MYO9A: variants seen among roughly 807,000 people sequenced by gnomAD.
MYO9A encodes myosin IXA, also known as unconventional myosin-IXa.
Under a neutral mutation model 293.3 loss-of-function variants are expected in MYO9A, and 103 were observed. The observed-to-expected ratio is 0.35, with a 90% confidence interval of 0.30 to 0.41. The LOEUF is 0.41. Among genes scored for constraint, MYO9A ranks in the 10% least tolerant of loss-of-function variants. MYO9A has a pLI of 1.00. For missense variants in MYO9A, 2,685 were observed against 3,033.0 expected, an observed-to-expected ratio of 0.89 and a Z score of 2.69; for synonymous variants, 1,001 against 1,035.7, an observed-to-expected ratio of 0.97 and a Z score of 0.64.
At chr15:71,842,980 A>G (rs2055228227) in intron 39 of MYO9A, among the ~76,000 whole-genome samples, 1 of 152,162 alleles carries the variant, frequency 6.6e-6, no homozygotes, top group Non-Finnish European at 1.5e-5. Context: ...TAGTTAAAAA[A>G]AAGACCTTTT....
Position 71,899,879 on chromosome 15 carries a change from C to A in MYO9A, c.3278G>T (p.Arg1093Leu), listed in dbSNP as rs771788086. ...GGCTGCAGCCCGTAACTCCAAGTACCGCTGCCTCTCTAAGTGAGCACGCCA... is the reference window on the plus strand; with the variant it reads ...GGCTGCAGCCCGTAACTCCAAGTACAGCTGCCTCTCTAAGTGAGCACGCCA... ...ASWRAHLERQ[R>L]YLELRAAAIV... The change falls in exon 24 of 42, where the codon CGG (arginine) becomes CTG (leucine). Residue 1093 changes from arginine to leucine, a missense_variant. By Grantham distance (102) the Arg-to-Leu change is moderately radical. Coordinates refer to ENST00000356056, the MANE Select transcript of MYO9A (RefSeq NM_006901.4). 1.2e-6 allele frequency: 2 copies of A among 1,614,094 alleles called. No homozygotes were observed. The highest frequency in any genetic ancestry group is 1.7e-6 in the Non-Finnish European group (2 of 1,180,036).
chr15:72,105,548 C>G (rs944435981), intron 1 of MYO9A, among the ~76,000 whole-genome samples: 2 of 135,666 alleles, frequency 1.5e-5, no homozygotes, highest in African/African-American at 5.6e-5. Flanking sequence ...CCTCTTGTTG[C>G]CCAGGCTGGA....
At position 71,999,949 on chromosome 15, in the gene MYO9A, CA is replaced by C. The variant is rs1248539445; in HGVS notation, c.1381-10del. 1.3e-6 allele frequency: 2 copies of C among 1,599,376 alleles called. No homozygotes were observed. The highest frequency in any genetic ancestry group is 1.7e-6 in the Non-Finnish European group (2 of 1,171,820). On this transcript the variant is annotated splice_polypyrimidine_tract_variant and intron_variant, in intron 8 of 41. Coordinates refer to ENST00000356056, the MANE Select transcript of MYO9A (RefSeq NM_006901.4). ...AGCATCTCTTCTTTAACCTATAAAA[CA>C]GAAAAGTAAACTCAATATGTAAGAT... is the stretch of plus-strand genomic sequence containing the variant.
chr15:71,850,310 G>A, intron 37 of MYO9A, 143 bp from the exon 38 acceptor site: 1 of 945,400 alleles, frequency 1.1e-6, no homozygotes, highest in South Asian at 1.7e-5. Flanking sequence ...AAGTTTAAGG[G>A]TCTGCAGACT....
chr15:71,833,070 AAAAG>A (rs1227719539), intron 39 of MYO9A, among the ~76,000 whole-genome samples: 1 of 152,104 alleles, frequency 6.6e-6, no homozygotes, highest in Non-Finnish European at 1.5e-5. Flanking sequence ...GGCAAGGAAG[AAAAG>A]AAAAAGGAAC....
At chr15:71,980,729 T>G (rs931543144) in intron 11 of MYO9A, among the ~76,000 whole-genome samples, 3 of 152,120 alleles carry the variant, frequency 2.0e-5, no homozygotes, top group Admixed American at 1.3e-4. Flanking sequence ...TCCCAGCTAC[T>G]TGGGAGGCTG....
chr15:71,910,111 TACGTGTATATATAC>T (rs1331617883), intron 19 of MYO9A, among the ~76,000 whole-genome samples: 8 of 141,936 alleles, frequency 5.6e-5, no homozygotes, highest in African/African-American at 1.9e-4. Context: ...CGTATATATA[TACGTGTATATATAC>T]ACGTGTATAT....
chr15:71,971,422 AAAC>A (rs2076007832), intron 12 of MYO9A, among the ~76,000 whole-genome samples: 1 of 151,784 alleles, frequency 6.6e-6, no homozygotes, highest in Non-Finnish European at 1.5e-5. Flanking sequence ...CTTGTCTCTA[AAAC>A]AACATTTTAA....
chr15:71,967,854 G>T, intron 13 of MYO9A, 130 bp downstream of exon 13: 1 of 875,578 alleles, frequency 1.1e-6, no homozygotes, highest in Non-Finnish European at 1.6e-6. Flanking sequence ...AGTTTTAGTA[G>T]TATCTTTATA....
intron 1 of MYO9A, among the ~76,000 whole-genome samples, chr15:72,078,755 A>C (rs568880554): frequency 6.6e-6 from 1 of 152,242 alleles, no homozygotes; most frequent in Non-Finnish European, 1.5e-5. Flanking sequence ...AAAGGTGAAT[A>C]AACAAACCCT....
In MYO9A at chr15:71,916,516, T is replaced by A. The variant is rs1005451996; in HGVS notation, c.2563-24A>T. On this transcript the variant is annotated intron_variant, in intron 18 of 41. Transcript: ENST00000356056. The stretch of plus-strand genomic sequence containing the variant: ...TGCTGAAAGAAGAGAAAAAATAAAT[T>A]GCTCACATAAATTAATCTAACAATA... 3.1e-6 allele frequency: 5 copies of A among 1,588,814 alleles called. No homozygotes were observed. The African/African-American group carries it at 6.8e-5, about 22-fold the overall frequency.
At chr15:72,099,142 A>G (rs934490043) in intron 1 of MYO9A, among the ~76,000 whole-genome samples, 7 of 152,168 alleles carry the variant, frequency 4.6e-5, no homozygotes, top group African/African-American at 7.2e-5. Context: ...AAAAACTCAA[A>G]AAGTAGCCAG....
intron 6 of MYO9A, among the ~76,000 whole-genome samples, chr15:72,015,942 C>T (rs148894802): frequency 8.9e-4 from 135 of 152,132 alleles, no homozygotes; most frequent in African/African-American, 3.1e-3. Context: ...CCCACCTCAG[C>T]CTCCCAAAGT....
Position 71,849,905 on chromosome 15 carries a change from A to G in MYO9A, c.6713+131T>C, listed in dbSNP as rs1471231035. ...TTGCATCCTCAGCATAAGAAAACCCAGCAGTGTCCAACAATCTTCTTAAAA... is the reference window on the plus strand; with the variant it reads ...TTGCATCCTCAGCATAAGAAAACCCGGCAGTGTCCAACAATCTTCTTAAAA... On this transcript the variant is annotated intron_variant, in intron 38 of 41. Coordinates refer to ENST00000356056, the MANE Select transcript of MYO9A (RefSeq NM_006901.4). The G allele has an allele frequency of 5.5e-6, 5 of 916,220 alleles. No individual in the cohort carries two copies. In the South Asian group the frequency reaches 5.6e-5, roughly 10 times the overall value. 56.8% of individuals were successfully genotyped at this position (916,220 alleles called of 1,614,324 possible).
chr15:71,968,335 C>G (rs575765512), intron 12 of MYO9A, among the ~76,000 whole-genome samples: 7 of 152,132 alleles, frequency 4.6e-5, no homozygotes, highest in Admixed American at 4.6e-4. Context: ...GATGAGGGAT[C>G]AAAAGTTATG....
chr15:71,916,034 G>A (rs921727027), intron 19 of MYO9A, among the ~76,000 whole-genome samples: 1 of 151,984 alleles, frequency 6.6e-6, no homozygotes, highest in Admixed American at 6.6e-5. Context: ...TTTAAGCAGG[G>A]AAAAAAACAT....
chr15:71,938,757 G>C, intron 16 of MYO9A, 95 bp downstream of exon 16: 7 of 1,058,774 alleles, frequency 6.6e-6, no homozygotes, highest in Non-Finnish European at 9.5e-6. Context: ...AAACAAGCCT[G>C]AATTACTTCA....
chr15:72,044,136 A>G (rs1460909534), intron 2 of MYO9A, among the ~76,000 whole-genome samples: 1 of 151,508 alleles, frequency 6.6e-6, no homozygotes, highest in Non-Finnish European at 1.5e-5. Flanking sequence ...GCTGGGGGCG[A>G]TGGCTCATGC....
At chr15:72,028,240 A>AAAT (rs1566963008) in intron 3 of MYO9A, among the ~76,000 whole-genome samples, 1 of 79,702 alleles carries the variant, frequency 1.3e-5, no homozygotes, top group African/African-American at 4.0e-5. Flanking sequence ...TATATATATA[A>AAAT]ATATATATAT....
Sources: allele counts gnomAD v4.1 joint callset (sites outside exome capture counted in the v4.1 genomes callset), GRCh38; gene constraint gnomAD v4.1.1; transcripts MANE v1.5; gene names NCBI Gene and HGNC (gene_info 2026-07-23, HGNC 2026-07-21).